The following F10 variants were observed in gnomAD, a reference collection of about 807,000 sequenced individuals.
The protein encoded by F10 is Stuart-Prower factor.
F10 carries 29 observed loss-of-function variants against 37.1 expected under a neutral mutation model. The ratio of observed to expected loss-of-function variants is 0.78; its 90% CI spans 0.58 to 1.07. The LOEUF (loss-of-function observed/expected upper bound fraction) is 1.07, where lower values mean the gene tolerates loss of function less well. F10 is among the 50% of genes least tolerant of loss of function. The pLI, the probability that F10 is intolerant of heterozygous loss-of-function variation, is 0.00. For synonymous variants in F10, 262 were observed against 268.6 expected, an observed-to-expected ratio of 0.98 and a Z score of 0.24; for missense variants, 539 against 667.9, an observed-to-expected ratio of 0.81 and a Z score of 2.13.
At chr13:113,135,744 C>T (rs1210820957) in intron 2 of F10, among the ~76,000 whole-genome samples, 1 of 151,986 alleles carries the variant, frequency 6.6e-6, no homozygotes, top group Non-Finnish European at 1.5e-5. Context: ...CAAAAATTAA[C>T]ACAATATAGA....
At chr13:113,138,424 T>C in intron 2 of F10, 33 bp from the exon 3 acceptor site, 1 of 1,056,896 alleles carries the variant, frequency 9.5e-7, no homozygotes, top group East Asian at 2.4e-5. Flanking sequence ...CTGTTTTCCC[T>C]AATATATTTT....
chr13:113,145,033 C>T (rs1040999807), intron 6 of F10, among the ~76,000 whole-genome samples: 1 of 152,154 alleles, frequency 6.6e-6, no homozygotes, highest in Non-Finnish European at 1.5e-5. Flanking sequence ...CGCCTGCCAC[C>T]ACGCCCAGCT....
chr13:113,135,296 A>G (rs1008674998), intron 2 of F10, among the ~76,000 whole-genome samples: 1 of 152,076 alleles, frequency 6.6e-6, no homozygotes, highest in Non-Finnish European at 1.5e-5. Flanking sequence ...AACAAATTAT[A>G]TTAGTCTCAG....
rs143144277 is a variant in F10, at chr13:113,140,629, G to A, written c.371-290G>A. ...AAAGCCACACAGAGGGATGTGGAGT[G>A]ACCGTAATGTGAGTGCTGCTGGGGC... On this transcript the variant is annotated intron_variant, in intron 4 of 7. Coordinates refer to ENST00000375559, the MANE Select transcript of F10 (RefSeq NM_000504.4). The A allele has an allele frequency of 1.8e-3, 1,121 of 623,800 alleles. 3 individuals are homozygous for A. Among genetic ancestry groups the A allele is most frequent in the African/African-American group, 0.012 (663 of 55,352 alleles). The allele number at this position is 623,800 out of a possible 1,614,324, so 38.6% of individuals were successfully genotyped here.
rs80240434 is a variant in F10 at position 113,134,816 on chromosome 13, T to C, written c.232-3641T>C. On this transcript the variant is annotated intron_variant, in intron 2 of 7. Coordinates refer to ENST00000375559, the MANE Select transcript of F10 (RefSeq NM_000504.4). Reference sequence around the variant, plus strand: ...CTTCAAAGAAAATTATATACTTATATGTAAAGCTAATAAAACATATACAGG... The same window carrying C: ...CTTCAAAGAAAATTATATACTTATACGTAAAGCTAATAAAACATATACAGG... Among the ~76,000 whole-genome samples, 250 of 152,360 alleles carry C rather than the reference T, an allele frequency of 1.6e-3. 2 individuals are homozygous for C. Among genetic ancestry groups the C allele is most frequent in the African/African-American group, 5.9e-3 (244 of 41,586 alleles).
Position 113,129,496 on chromosome 13 carries a change from A to C in F10, c.115A>C (p.Thr39Pro), listed in dbSNP as rs188917950. Reference protein sequence around the residue: ...EQANNILARVTRANSFLEEMK... With the variant: ...EQANNILARVPRANSFLEEMK... ...GGCCAACAACATCCTGGCGAGGGTC[A>C]CGAGGGCCAATTCCTTTCTTGAAGA... The change falls in exon 2 of 8, where the codon ACG becomes CCG. Residue 39 changes from threonine (T) to proline (P), a missense_variant. Transcript: ENST00000375559. 62 of 1,614,116 alleles carry C rather than the reference A, an allele frequency of 3.8e-5. No individual in the cohort carries two copies. In the East Asian group the frequency reaches 1.4e-3, roughly 35 times the overall value.
chr13:113,140,627 G>C (rs1331803637), intron 4 of F10: 1 of 620,904 alleles, frequency 1.6e-6, no homozygotes, highest in South Asian at 1.5e-5. Context: ...GGGATGTGGA[G>C]TGACCGTAAT....
chr13:113,123,306 C>A (rs2036337881), intron 1 of F10, among the ~76,000 whole-genome samples: 1 of 152,156 alleles, frequency 6.6e-6, no homozygotes, highest in East Asian at 1.9e-4. Context: ...GGACAGTTAG[C>A]CATCTGCCAC....
intron 2 of F10, among the ~76,000 whole-genome samples, chr13:113,133,677 G>A (rs2036453966): frequency 6.6e-6 from 1 of 152,078 alleles, no homozygotes; most frequent in African/African-American, 2.4e-5. Context: ...GTTTGTCTTA[G>A]GCCAGCATTA....
intron 3 of F10, 130 bp downstream of exon 3, chr13:113,138,611 G>A (rs976674646): frequency 7.5e-6 from 5 of 662,462 alleles, no homozygotes; most frequent in South Asian, 3.5e-5. Context: ...TTCCCTCAGG[G>A]TGTTTCCATA....
chr13:113,124,927 C>T (rs1247600483), intron 1 of F10, among the ~76,000 whole-genome samples: 1 of 152,222 alleles, frequency 6.6e-6, no homozygotes, highest in African/African-American at 2.4e-5. Context: ...CAGCCCATGG[C>T]TTGTGGGAGC....
At chr13:113,129,039 A>G (rs2036398935) in intron 1 of F10, among the ~76,000 whole-genome samples, 1 of 152,128 alleles carries the variant, frequency 6.6e-6, no homozygotes, top group Admixed American at 6.6e-5. Flanking sequence ...TTTGGAGTAA[A>G]ATCATTTATT....
Position 113,143,741 on chromosome 13 carries a change from C to CGTAT in F10, c.503-110_503-109insGTAT. On this transcript the variant is annotated intron_variant, in intron 5 of 7. Coordinates refer to ENST00000375559, the MANE Select transcript of F10 (RefSeq NM_000504.4). This position sits in a 1 kb window ranked among gnomAD's most constrained non-coding sequence, Gnocchi z 6.8. Reference sequence around the variant, plus strand: ...GCAAGCCCGCTGCCCCTCCGGGTGCCCCTGCGCTCTGCCTCCCGGCTCTCT... The same window carrying CGTAT: ...GCAAGCCCGCTGCCCCTCCGGGTGCCGTATCCTGCGCTCTGCCTCCCGGCTCTCT... 2.5e-4 allele frequency: 380 copies of CGTAT among 1,519,640 alleles called. No homozygotes were observed. The highest frequency in any genetic ancestry group is 1.9e-3 in the Admixed American group (103 of 54,932). The allele number at this position is 1,519,640 out of a possible 1,614,324, so 94.1% of individuals were successfully genotyped here. A position where few individuals can be genotyped will look rare whatever the true frequency, so the allele number is the denominator to read the frequency against.
At chr13:113,148,103 G>A (rs1057097354) in intron 7 of F10, among the ~76,000 whole-genome samples, 1 of 152,048 alleles carries the variant, frequency 6.6e-6, no homozygotes, top group African/African-American at 2.4e-5. Flanking sequence ...GCTGAGGCGG[G>A]CAGATCACCT....
intron 7 of F10, among the ~76,000 whole-genome samples, chr13:113,148,556 T>TACG (rs1298748412): frequency 3.0e-4 from 45 of 152,182 alleles, no homozygotes; most frequent in African/African-American, 1.1e-3. Context: ...CACAACTATT[T>TACG]TACACTCTCA....
rs1212018525 is a variant in F10 at position 113,129,465 on chromosome 13, G to T, written c.84G>T (p.Arg28Ser). ...LLLGESLFIR[R>S]EQANNILARV... is the part of the protein sequence containing the mutation. Reference sequence around the variant, plus strand: ...CCTGCCTTCCAGTGTTCATCCGCAGGGAGCAGGCCAACAACATCCTGGCGA... The same window carrying T: ...CCTGCCTTCCAGTGTTCATCCGCAGTGAGCAGGCCAACAACATCCTGGCGA... The change falls in exon 2 of 8, where the codon AGG becomes AGT. Residue 28 changes from arginine to serine, a missense_variant. By Grantham distance (110) the Arg-to-Ser change is moderately radical (BLOSUM62 -1). Coordinates refer to ENST00000375559, the MANE Select transcript of F10 (RefSeq NM_000504.4). 6.2e-7 allele frequency: 1 copy of T among 1,613,858 alleles called. No homozygotes were observed. The highest frequency in any genetic ancestry group is 1.3e-5 in the African/African-American group (1 of 75,002).
In F10 at chr13:113,129,555, G is replaced by A. The variant is rs1414570095; in HGVS notation, c.174G>A (p.Met58Ile). ...AAGGACACCTCGAAAGAGAGTGCAT[G>A]GAAGAGACCTGCTCATACGAAGAGG... is the stretch of plus-strand genomic sequence containing the variant. The part of the protein sequence containing the change: ...MKKGHLEREC[M>I]EETCSYEEAR... The change falls in exon 2 of 8, where the codon ATG becomes ATA. Residue 58 changes from methionine to isoleucine, a missense_variant. Around this residue, in one of 2 missense-constraint regions of F10, gnomAD observed 130 missense variants for 120.0 expected, o/e 1.08. Coordinates refer to ENST00000375559, the MANE Select transcript of F10 (RefSeq NM_000504.4). The A allele has an allele frequency of 6.2e-7, 1 of 1,614,242 alleles. No homozygotes were observed. Among genetic ancestry groups the A allele is most frequent in the Non-Finnish European group, 8.5e-7 (1 of 1,180,044 alleles).
Position 113,145,574 on chromosome 13 carries a change from TTAG to T in F10, c.747+1481_747+1483del, listed in dbSNP as rs1338014944. Among the ~76,000 whole-genome samples, 3 of 152,294 alleles carry T rather than the reference TTAG, an allele frequency of 2.0e-5. No homozygotes were observed. In the East Asian group the frequency reaches 5.8e-4, roughly 29 times the overall value. ...TCTGATTCAAGTCAAACTAGGTGTA[TTAG>T]TCAGTTTTCACACTGCTGACACATA... On this transcript the variant is annotated intron_variant, in intron 6 of 7. Transcript: ENST00000375559.
Position 113,148,985 on chromosome 13 carries a change from A to C in F10, c.935A>C (p.Asn312Thr). The C allele has an allele frequency of 6.2e-7, 1 of 1,613,502 alleles. No homozygotes were observed. Among genetic ancestry groups the C allele is most frequent in the Non-Finnish European group, 8.5e-7 (1 of 1,180,002 alleles). ...GAGGTGGAGGTGGTCATCAAGCACA[A>C]CCGGTTCACAAAGGAGACCTATGAC... ...VHEVEVVIKH[N>T]RFTKETYDFD... The change falls in exon 8 of 8, where the codon AAC (asparagine) becomes ACC (threonine). Residue 312 changes from asparagine (N) to threonine (T), a missense_variant. Asn to Thr is a moderately conservative substitution (Grantham distance 65). Transcript: ENST00000375559.
Sources: gnomAD v4.1 joint callset for allele counts (sites outside exome capture counted in the v4.1 genomes callset) on GRCh38, gnomAD v4.1.1 for gene constraint, gnomAD v4.1.1 regional missense constraint, Gnocchi (gnomAD v3.1) non-coding constraint, MANE v1.5 for transcripts, NCBI Gene and HGNC (gene_info 2026-07-23, HGNC 2026-07-21) for gene names.